The following ZNF407 variants were observed in gnomAD, a reference collection of about 807,000 sequenced individuals.
The protein encoded by ZNF407 is zinc finger protein 407.
Under a neutral mutation model 131.2 loss-of-function variants are expected in ZNF407, and 17 were observed. The ratio of observed to expected loss-of-function variants is 0.13; its 90% confidence interval spans 0.09 to 0.19. The LOEUF is 0.19. ZNF407 is among the 10% of genes least tolerant of loss of function. ZNF407 has a pLI of 1.00. For synonymous variants in ZNF407, 1,156 were observed against 1,062.0 expected (o/e 1.09, Z -1.72); for missense variants, 2,681 against 2,830.6 (o/e 0.95, Z 1.20).
chr18:74,603,511 T>C (rs1447934463), intron 1 of ZNF407, among the ~76,000 whole-genome samples: 1 of 152,170 alleles, frequency 6.6e-6, no homozygotes, highest in African/African-American at 2.4e-5. Context: ...GTTCTGACAG[T>C]AAAGCCCAAC....
intron 3 of ZNF407, among the ~76,000 whole-genome samples, chr18:74,656,647 C>T (rs1184742209): frequency 6.6e-6 from 1 of 152,090 alleles, no homozygotes; most frequent in Non-Finnish European, 1.5e-5. Flanking sequence ...AAGGATAGTG[C>T]CTAGAGGGCA....
chr18:74,979,165 G>A (rs184819963), intron 8 of ZNF407, among the ~76,000 whole-genome samples: 4 of 152,072 alleles, frequency 2.6e-5, no homozygotes, highest in Non-Finnish European at 4.4e-5. Flanking sequence ...ACCTGTACCC[G>A]CTTCCTACAC....
At chr18:74,955,822 C>T (rs762735380) in intron 8 of ZNF407, among the ~76,000 whole-genome samples, 5 of 152,188 alleles carry the variant, frequency 3.3e-5, no homozygotes, top group Non-Finnish European at 7.3e-5. Context: ...TCATCAGGCT[C>T]GGCCAGCCAT....
intron 3 of ZNF407, among the ~76,000 whole-genome samples, chr18:74,663,289 T>C (rs777300618): frequency 9.9e-5 from 15 of 152,202 alleles, no homozygotes; most frequent in Non-Finnish European, 1.6e-4. Context: ...AACACTTCTG[T>C]ATTGAAAGTT....
At chr18:74,685,913 T>G (rs1037193283) in intron 3 of ZNF407, among the ~76,000 whole-genome samples, 6 of 152,240 alleles carry the variant, frequency 3.9e-5, no homozygotes, top group African/African-American at 1.2e-4. Flanking sequence ...ATTGTTTGTA[T>G]TTTTTGTTAT....
intron 2 of ZNF407, among the ~76,000 whole-genome samples, chr18:74,636,486 C>G (rs962044475): frequency 1.3e-5 from 2 of 152,188 alleles, no homozygotes; most frequent in African/African-American, 4.8e-5. Flanking sequence ...TAGACAAGTT[C>G]TGTCTCCATG....
At chr18:74,696,851 A>G (rs1388279068) in intron 3 of ZNF407, among the ~76,000 whole-genome samples, 3 of 152,202 alleles carry the variant, frequency 2.0e-5, no homozygotes, top group East Asian at 3.8e-4. Context: ...GCAGGCTGTG[A>G]TATTACAAGC....
At chr18:75,051,759 A>G (rs766471350) in intron 8 of ZNF407, among the ~76,000 whole-genome samples, 6 of 152,192 alleles carry the variant, frequency 3.9e-5, no homozygotes, top group Non-Finnish European at 8.8e-5. Flanking sequence ...TATTCCAGCC[A>G]TGCTGCTGCT....
chr18:75,039,738 T>TC (rs1555712222), intron 8 of ZNF407, among the ~76,000 whole-genome samples: 1 of 150,896 alleles, frequency 6.6e-6, no homozygotes, highest in Non-Finnish European at 1.5e-5. Context: ...TTTTTTTTTT[T>TC]AATCCATTAC....
intron 3 of ZNF407, among the ~76,000 whole-genome samples, chr18:74,768,513 C>T (rs1969292082): frequency 1.3e-5 from 2 of 152,144 alleles, no homozygotes; most frequent in Non-Finnish European, 2.9e-5. Flanking sequence ...AGCTCCTGCA[C>T]ATTTAATCAA....
At position 75,055,062 on chromosome 18, in the gene ZNF407, G is replaced by A. The variant is rs560403319; in HGVS notation, c.5429-8088G>A. Among the ~76,000 whole-genome samples the A allele has an allele frequency of 3.9e-5, 6 of 152,262 alleles. No homozygotes were observed. The South Asian group carries it at 8.3e-4, about 21-fold the overall frequency. ...GGCCAGGGCTCTGACCTCAACACCC[G>A]GAAATGTGTGCAGAGTGAGAGACGC... On this transcript the variant is annotated intron_variant, in intron 8 of 8. Coordinates refer to ENST00000299687, the MANE Select transcript of ZNF407 (RefSeq NM_017757.3).
chr18:74,779,891 T>C (rs1353540551), intron 3 of ZNF407, among the ~76,000 whole-genome samples: 1 of 152,194 alleles, frequency 6.6e-6, no homozygotes, highest in Non-Finnish European at 1.5e-5. Context: ...TTTATGTTTT[T>C]TTAATTATAG....
At chr18:74,616,931 C>T (rs1983321990) in intron 1 of ZNF407, among the ~76,000 whole-genome samples, 1,965 of 147,776 alleles carry the variant, frequency 0.013, 93 homozygotes, top group Non-Finnish European at 0.017. Flanking sequence ...GCACCATACA[C>T]ATCCATATCC....
chr18:74,910,933 G>T (rs573811814), intron 7 of ZNF407, among the ~76,000 whole-genome samples: 10 of 152,092 alleles, frequency 6.6e-5, no homozygotes, highest in Non-Finnish European at 1.2e-4. Context: ...CCCCTGGGCA[G>T]AATCCCTGTT....
chr18:74,839,244 T>A (rs1970599387), intron 4 of ZNF407, among the ~76,000 whole-genome samples: 1 of 152,220 alleles, frequency 6.6e-6, no homozygotes, highest in Non-Finnish European at 1.5e-5. Context: ...AATTATTAAA[T>A]TACTTACTAT....
At chr18:74,826,033 C>T (rs1970405433) in intron 4 of ZNF407, among the ~76,000 whole-genome samples, 1 of 152,198 alleles carries the variant, frequency 6.6e-6, no homozygotes, top group South Asian at 2.1e-4. Flanking sequence ...TATACACTTA[C>T]AGAGTCAGCT....
At chr18:74,741,283 C>T (rs982978663) in intron 3 of ZNF407, among the ~76,000 whole-genome samples, 8 of 151,970 alleles carry the variant, frequency 5.3e-5, no homozygotes, top group Non-Finnish European at 7.4e-5. Flanking sequence ...CTTATGTTCA[C>T]GCTCGTGTGT....
intron 8 of ZNF407, among the ~76,000 whole-genome samples, chr18:74,943,883 C>T (rs1192853528): frequency 6.6e-6 from 1 of 152,154 alleles, no homozygotes; most frequent in African/African-American, 2.4e-5. Context: ...CATAAAGTGA[C>T]ACTCTCGTTC....
rs534101670 is a variant in ZNF407 at position 74,633,338 on chromosome 18, A to C, written c.2319A>C (p.Glu773Asp). The stretch of plus-strand genomic sequence containing the variant: ...ATAATATTGGCTTAAGCTTTGAAGA[A>C]TGTATTGAAAGGGTATGTATAGGTG... ...KKNNIGLSFE[E>D]CIERVCIGAN... is the part of the protein sequence containing the mutation. Residue 773 changes from glutamate (E) to aspartate (D), a missense_variant, in exon 2 of 9, where the codon GAA (glutamate) becomes GAC (aspartate). Around this residue, in one of 6 missense-constraint regions of ZNF407, gnomAD observed 1,789 missense variants for 1,748.7 expected, o/e 1.02. Transcript: ENST00000299687. 9 of 1,613,514 alleles carry C rather than the reference A, an allele frequency of 5.6e-6. No individual in the cohort carries two copies. The Admixed American group carries it at 1.2e-4, about 21-fold the overall frequency.
Sources: allele counts gnomAD v4.1 joint callset (sites outside exome capture counted in the v4.1 genomes callset), GRCh38; gene constraint gnomAD v4.1.1; regional missense constraint gnomAD v4.1.1; transcripts MANE v1.5; gene names NCBI Gene and HGNC (gene_info 2026-07-23, HGNC 2026-07-21).